The following GPALPP1 variants were observed in gnomAD, a reference collection of about 807,000 sequenced individuals.
GPALPP1 encodes the protein GPALPP motifs containing 1.
In GPALPP1, 30 loss-of-function variants were observed where a neutral mutation model predicts 38.9. The ratio of observed to expected loss-of-function variants is 0.77; its 90% CI spans 0.58 to 1.05. The LOEUF is 1.05. Ranked by LOEUF, GPALPP1 falls within the 50% of genes least tolerant of loss-of-function variation. GPALPP1 has a pLI of 0.00. For missense variants in GPALPP1, 384 were observed against 408.8 expected, an observed-to-expected ratio of 0.94 and a Z score of 0.52; for synonymous variants, 120 against 139.2, an observed-to-expected ratio of 0.86 and a Z score of 0.97.
chr13:44,991,654 TAAG>T (rs1363961450), intron 1 of GPALPP1, among the ~76,000 whole-genome samples: 1 of 152,228 alleles, frequency 6.6e-6, no homozygotes, highest in Non-Finnish European at 1.5e-5. Flanking sequence ...TCTGGATTTT[TAAG>T]AAGTTTGCCA....
rs532723525 is a variant in GPALPP1, at chr13:45,000,549, T to G, written c.89-3756T>G. 2.6e-5 allele frequency among the ~76,000 whole-genome samples: 4 copies of G among 152,358 alleles called. No homozygotes were observed. The East Asian group carries it at 7.7e-4, about 29-fold the overall frequency. ...ATATATAAAAGAATAATAAAATTTTTTCTTGATACAAACCTATCCAAAATT... is the reference window on the plus strand; with the variant it reads ...ATATATAAAAGAATAATAAAATTTTGTCTTGATACAAACCTATCCAAAATT... On this transcript the variant is annotated intron_variant, in intron 1 of 7. Transcript: ENST00000379151.
rs149439017 is a variant in GPALPP1 at position 45,011,186 on chromosome 13, A to C, written c.408+2307A>C. Among the ~76,000 whole-genome samples the C allele has an allele frequency of 8.2e-4, 125 of 152,110 alleles. No homozygotes were observed. In the East Asian group the frequency reaches 0.017, roughly 21 times the overall value. On this transcript the variant is annotated intron_variant, in intron 4 of 7. Coordinates refer to ENST00000379151, the MANE Select transcript of GPALPP1 (RefSeq NM_018559.5). ...GAAGTTCAATATGGTTAGAATGGAG[A>C]ATGCAGGGAGAATGGTGAGAGAGAA...
At chr13:45,023,424 G>C (rs1005567186) in intron 7 of GPALPP1, among the ~76,000 whole-genome samples, 2 of 152,118 alleles carry the variant, frequency 1.3e-5, no homozygotes, top group African/African-American at 4.8e-5. Flanking sequence ...GTATTCCTCT[G>C]TCTCTATTGA....
chr13:45,029,550 G>A lies in GPALPP1; in HGVS notation c.*1547G>A, dbSNP rs1411037022. ...GTCTCACAAGTACCCTCTAAGGTCT[G>A]GTCAGGACTGACCACCAAATCTCTA... On this transcript the variant is annotated 3_prime_UTR_variant, in exon 8 of 8. Coordinates refer to ENST00000379151, the MANE Select transcript of GPALPP1 (RefSeq NM_018559.5). 1.3e-5 allele frequency: 2 copies of A among 152,122 alleles called. No individual in the cohort carries two copies. The highest frequency in any genetic ancestry group is 2.9e-5 in the Non-Finnish European group (2 of 68,042). The allele number at this position is 152,122 out of a possible 1,614,324, so 9.4% of individuals were successfully genotyped here. A position where few individuals can be genotyped will look rare whatever the true frequency, so the allele number is the denominator to read the frequency against.
chr13:44,997,787 G>T (rs550793448), intron 1 of GPALPP1, among the ~76,000 whole-genome samples: 1 of 152,208 alleles, frequency 6.6e-6, no homozygotes, highest in South Asian at 2.1e-4. Flanking sequence ...TCTTGCTGGT[G>T]CTCTCAACTG....
intron 6 of GPALPP1, among the ~76,000 whole-genome samples, chr13:45,019,191 A>G (rs1875204379): frequency 6.7e-6 from 1 of 148,418 alleles, no homozygotes; most frequent in South Asian, 2.1e-4. Flanking sequence ...TCTGTTGCCC[A>G]GGCTGGAGTG....
chr13:44,989,987 T>G lies in GPALPP1; in HGVS notation c.88+245T>G, dbSNP rs1027958484. 4 of 574,784 alleles carry G rather than the reference T, an allele frequency of 7.0e-6. No homozygotes were observed. The Admixed American group carries it at 1.3e-4, about 18-fold the overall frequency. The allele number at this position is 574,784 out of a possible 1,614,324, so 35.6% of individuals were successfully genotyped here. The stretch of plus-strand genomic sequence containing the variant: ...AATACATTCTCATTTAGCCTTAATA[T>G]GAGCTGCACGCTGCCCTAACTGACT... On this transcript the variant is annotated intron_variant, in intron 1 of 7. Transcript: ENST00000379151.
At chr13:45,015,346 C>A (rs1874773100) in intron 5 of GPALPP1, 86 bp from the exon 6 acceptor site, 2 of 772,918 alleles carry the variant, frequency 2.6e-6, no homozygotes, top group African/African-American at 3.6e-5. Context: ...ACTTCAATTG[C>A]ATGACACAGT....
chr13:45,021,439 A>C (rs867029085), intron 7 of GPALPP1, among the ~76,000 whole-genome samples: 4 of 152,326 alleles, frequency 2.6e-5, no homozygotes, highest in African/African-American at 2.4e-5. Context: ...ACTATCATTC[A>C]ACCCAAATTA....
chr13:45,020,359 TA>T lies in GPALPP1; in HGVS notation c.737del (p.Lys246ArgfsTer39). 1 of 1,522,092 alleles carries T rather than the reference TA, an allele frequency of 6.6e-7. No homozygotes were observed. Among genetic ancestry groups the T allele is most frequent in the Non-Finnish European group, 9.1e-7 (1 of 1,097,360 alleles). The allele number at this position is 1,522,092 out of a possible 1,614,324, so 94.3% of individuals were successfully genotyped here. On this transcript the variant is annotated frameshift_variant, in exon 7 of 8. Coordinates refer to ENST00000379151, the MANE Select transcript of GPALPP1 (RefSeq NM_018559.5). LOFTEE classifies it high-confidence loss of function. ...CACAAGAAGCAAGGAAGTCATCCAGTAAGAAAGATGAAGAACATATATTATC... is the reference window on the plus strand; with the variant it reads ...CACAAGAAGCAAGGAAGTCATCCAGTAGAAAGATGAAGAACATATATTATC... ...ETQEARKSSS[K>X]KDEEHILSGR...
At chr13:45,007,067 GT>G (rs1327593768) in intron 3 of GPALPP1, among the ~76,000 whole-genome samples, 2 of 151,990 alleles carry the variant, frequency 1.3e-5, no homozygotes, top group East Asian at 3.9e-4. Context: ...AACTTTAGTT[GT>G]TTCAGATATA....
At chr13:45,017,489 ATAAT>A (rs796248048) in intron 6 of GPALPP1, among the ~76,000 whole-genome samples, 3 of 152,364 alleles carry the variant, frequency 2.0e-5, no homozygotes, top group African/African-American at 7.2e-5. Flanking sequence ...TTTTGAAATA[ATAAT>A]TATTTATTGG....
chr13:44,989,830 G>T, intron 1 of GPALPP1, 88 bp downstream of exon 1: 1 of 1,001,524 alleles, frequency 1.0e-6, no homozygotes, highest in Admixed American at 2.1e-5. Flanking sequence ...GGAGGCCTAG[G>T]AGGGCGGAGG....
chr13:45,018,599 T>C (rs866307316), intron 6 of GPALPP1, among the ~76,000 whole-genome samples: 1 of 151,992 alleles, frequency 6.6e-6, no homozygotes, highest in African/African-American at 2.4e-5. Context: ...TCTGGGAAAA[T>C]GTAGAAATGA....
chr13:44,993,692 A>C (rs1215843255), intron 1 of GPALPP1, among the ~76,000 whole-genome samples: 3 of 151,972 alleles, frequency 2.0e-5, no homozygotes, highest in Admixed American at 1.3e-4. Context: ...AAAAAAAAAA[A>C]AAAAATTTGA....
At chr13:45,018,946 T>TATATACATATAAATATATATAC (rs1875086246) in intron 6 of GPALPP1, among the ~76,000 whole-genome samples, 3 of 118,476 alleles carry the variant, frequency 2.5e-5, no homozygotes, top group African/African-American at 3.8e-5. Context: ...TACATATAAA[T>TATATACATATAAATATATATAC]ATATATACAT....
chr13:45,000,211 G>A (rs1449329401), intron 1 of GPALPP1, among the ~76,000 whole-genome samples: 2 of 152,066 alleles, frequency 1.3e-5, no homozygotes, highest in Non-Finnish European at 1.5e-5. Context: ...GAGGCCAAGC[G>A]TTCAAGACCA....
chr13:44,989,980 C>A, intron 1 of GPALPP1: 1 of 584,888 alleles, frequency 1.7e-6, no homozygotes, highest in South Asian at 2.0e-5. Context: ...CTCATTTAGC[C>A]TTAATATGAG....
intron 1 of GPALPP1, among the ~76,000 whole-genome samples, chr13:44,990,614 C>G (rs776806172): frequency 6.6e-6 from 1 of 152,156 alleles, no homozygotes; most frequent in Non-Finnish European, 1.5e-5. Context: ...GCATGCATAC[C>G]TATCTGCTTT....
Sources: gnomAD v4.1 joint callset for allele counts (sites outside exome capture counted in the v4.1 genomes callset) on GRCh38, gnomAD v4.1.1 for gene constraint, MANE v1.5 for transcripts, NCBI Gene and HGNC (gene_info 2026-07-23, HGNC 2026-07-21) for gene names.